Variants in ACSL4 observed in about 807,000 individuals in gnomAD.
ACSL4 encodes acyl-CoA synthetase long chain family member 4.
Under a neutral mutation model 49.1 loss-of-function variants are expected in ACSL4, and 9 were observed. The ratio of observed to expected loss-of-function variants is 0.18; its 90% CI spans 0.11 to 0.32. ACSL4 has a LOEUF of 0.32. Ranked by LOEUF, ACSL4 falls within the 10% of genes least tolerant of loss-of-function variation. The probability of loss-of-function intolerance (pLI) is 1.00; values close to 1 mark genes in which losing one functional copy is unlikely to be tolerated. For synonymous variants in ACSL4, 191 were observed against 170.3 expected (o/e 1.12, Z -0.95); for missense variants, 333 against 493.7 (o/e 0.67, Z 3.08).
Position 109,668,610 on chromosome X carries a change from C to T in ACSL4, c.1143-337G>A, listed in dbSNP as rs1922892445. 2.7e-5 allele frequency among the ~76,000 whole-genome samples: 3 copies of T among 111,743 alleles called. No individual in the cohort carries two copies. In the South Asian group the frequency reaches 1.1e-3, roughly 42 times the overall value. ...TCACTTCCAATAAAAAATGCTTCCC[C>T]ATCCCCACTCCTCAGCATCACATTT... is the stretch of plus-strand genomic sequence containing the variant. On this transcript the variant is annotated intron_variant, in intron 10 of 15. Coordinates refer to ENST00000672401, the MANE Select transcript of ACSL4 (RefSeq NM_001318510.2).
At chrX:109,647,161 C>T (rs953551535) in intron 15 of ACSL4, among the ~76,000 whole-genome samples, 1 of 111,135 alleles carries the variant, frequency 9.0e-6, no homozygotes, top group African/African-American at 3.3e-5. Context: ...CTCAGCTCTG[C>T]ACCAAGTGGA....
At chrX:109,672,606 CAG>C (rs1243646000) in intron 9 of ACSL4, among the ~76,000 whole-genome samples, 1 of 111,016 alleles carries the variant, frequency 9.0e-6, no homozygotes, top group Non-Finnish European at 1.9e-5. Context: ...ACTCAAAAAA[CAG>C]ACTCTACCAA....
Position 109,668,356 on chromosome X carries a change from T to C in ACSL4, c.1143-83A>G. Reference sequence around the variant, plus strand: ...ACTAATTTATAAGCTCTGGGAAAGATTCCTCAACTGGTTGAACATCTCAAT... The same window carrying C: ...ACTAATTTATAAGCTCTGGGAAAGACTCCTCAACTGGTTGAACATCTCAAT... On this transcript the variant is annotated intron_variant, in intron 10 of 15. Coordinates refer to ENST00000672401, the MANE Select transcript of ACSL4 (RefSeq NM_001318510.2). 1.3e-5 allele frequency: 11 copies of C among 864,879 alleles called. 1 individual carries two copies. In the Middle Eastern group the frequency reaches 9.1e-4, roughly 72 times the overall value. 71.3% of individuals were successfully genotyped at this position (864,879 alleles called of 1,213,427 possible). A position where few individuals can be genotyped will look rare whatever the true frequency, so the allele number is the denominator to read the frequency against.
At chrX:109,661,927 T>A (rs1261483737) in intron 13 of ACSL4, among the ~76,000 whole-genome samples, 1 of 111,124 alleles carries the variant, frequency 9.0e-6, no homozygotes, top group South Asian at 3.8e-4. Context: ...TAGCATCTTA[T>A]TATAATCTTA....
At chrX:109,661,195 G>C (rs1035832978) in intron 14 of ACSL4, among the ~76,000 whole-genome samples, 66 of 111,757 alleles carry the variant, frequency 5.9e-4, no homozygotes, top group African/African-American at 2.0e-3. Context: ...AGAAAAACTT[G>C]GGTTCAAAAT....
intron 9 of ACSL4, among the ~76,000 whole-genome samples, chrX:109,673,158 C>T (rs945607349): frequency 1.8e-5 from 2 of 111,979 alleles, no homozygotes; most frequent in Non-Finnish European, 3.8e-5. Flanking sequence ...TCAGCTCTTA[C>T]CTCTTCCTAT....
chrX:109,651,263 A>G (rs1323033821), intron 15 of ACSL4, among the ~76,000 whole-genome samples: 1 of 111,888 alleles, frequency 8.9e-6, no homozygotes, highest in African/African-American at 3.2e-5. Context: ...AGCAATTGCC[A>G]AGAAGCAAAC....
chrX:109,723,139 GTGT>G (rs946160170), intron 1 of ACSL4, among the ~76,000 whole-genome samples: 6 of 111,399 alleles, frequency 5.4e-5, no homozygotes, highest in Non-Finnish European at 7.5e-5. Context: ...TTACAGTAGA[GTGT>G]TGTTGTAGAA....
chrX:109,671,752 G>A (rs1483249819), intron 9 of ACSL4, among the ~76,000 whole-genome samples: 1 of 111,949 alleles, frequency 8.9e-6, no homozygotes, highest in Non-Finnish European at 1.9e-5. Flanking sequence ...TCTGCCTTGG[G>A]ATGCTGTTAG....
intron 8 of ACSL4, among the ~76,000 whole-genome samples, chrX:109,675,909 T>C (rs184504510): frequency 4.5e-5 from 5 of 112,345 alleles, no homozygotes; most frequent in Admixed American, 3.8e-4. Flanking sequence ...ATTACTATTC[T>C]AGCAGATTTT....
intron 1 of ACSL4, among the ~76,000 whole-genome samples, chrX:109,700,968 G>A (rs749745261): frequency 2.7e-5 from 3 of 110,078 alleles, no homozygotes; most frequent in African/African-American, 6.6e-5. Flanking sequence ...ACTTGAACCC[G>A]GGAGGCAGAG....
At position 109,678,403 on chromosome X, in the gene ACSL4, G is replaced by A. The variant is rs1923904571; in HGVS notation, c.668C>T (p.Pro223Leu). ...CATGTCTGAAGGCGTTGGTCTACTT[G>A]GAGGAATGCCCACTAAATGAATGAA... ...GSNPENLGIPPSRPTPSDMAI... is the reference protein window; with the variant it reads ...GSNPENLGIPLSRPTPSDMAI... Residue 223 changes from proline (P) to leucine (L), a missense_variant, in exon 7 of 16, where the codon CCA becomes CTA. Physicochemically the swap from Pro to Leu is moderately conservative, Grantham distance 98. Around this residue, in one of 3 missense-constraint regions of ACSL4, gnomAD observed 157 missense variants for 201.1 expected, o/e 0.78. Transcript: ENST00000672401. 1 of 1,210,039 alleles carries A rather than the reference G, an allele frequency of 8.3e-7. No homozygotes were observed. Among genetic ancestry groups the A allele is most frequent in the Non-Finnish European group, 1.1e-6 (1 of 894,952 alleles).
chrX:109,656,926 A>G (rs1921700224), intron 15 of ACSL4, among the ~76,000 whole-genome samples: 1 of 111,609 alleles, frequency 9.0e-6, no homozygotes, highest in African/African-American at 3.3e-5. Context: ...TCTTTCCTGA[A>G]ACTCTCTTAG....
At chrX:109,718,845 A>G (rs938404828) in intron 1 of ACSL4, among the ~76,000 whole-genome samples, 2 of 111,613 alleles carry the variant, frequency 1.8e-5, no homozygotes, top group African/African-American at 6.5e-5. Context: ...ATCTCAGATT[A>G]TTGGTTTTTA....
In ACSL4 at chrX:109,642,375, G is replaced by A. The variant is rs761979255; in HGVS notation, c.*1654C>T. 3 of 111,488 alleles carry A rather than the reference G, an allele frequency of 2.7e-5. No individual in the cohort carries two copies. Among genetic ancestry groups the A allele is most frequent in the African/African-American group, 9.8e-5 (3 of 30,623 alleles). The allele number at this position is 111,488 out of a possible 1,213,427, so 9.2% of individuals were successfully genotyped here. A position where few individuals can be genotyped will look rare whatever the true frequency, so the allele number is the denominator to read the frequency against. The stretch of plus-strand genomic sequence containing the variant: ...GAATACTCACATACACATAACTTCA[G>A]GGAAAACTTGCCTAAAATTTTACCT... On this transcript the variant is annotated 3_prime_UTR_variant, in exon 16 of 16. Transcript: ENST00000672401.
chrX:109,667,628 G>A (rs1413291702), intron 11 of ACSL4, among the ~76,000 whole-genome samples: 1 of 112,433 alleles, frequency 8.9e-6, no homozygotes, highest in Non-Finnish European at 1.9e-5. Flanking sequence ...GGGCGTGGTG[G>A]CTCACCGCCT....
intron 2 of ACSL4, among the ~76,000 whole-genome samples, chrX:109,688,549 T>G (rs1924790013): frequency 8.9e-6 from 1 of 111,754 alleles, no homozygotes; most frequent in Admixed American, 9.5e-5. Context: ...TATGGCTCTC[T>G]GTCTCCCAGT....
chrX:109,667,825 G>A (rs773506816), intron 11 of ACSL4, among the ~76,000 whole-genome samples: 25 of 110,161 alleles, frequency 2.3e-4, no homozygotes, highest in Non-Finnish European at 2.1e-4. Context: ...CCAGGAGGTG[G>A]AGGTTGCAGT....
intron 1 of ACSL4, among the ~76,000 whole-genome samples, chrX:109,700,997 C>T (rs1274954157): frequency 6.4e-5 from 7 of 109,202 alleles, no homozygotes; most frequent in African/African-American, 2.0e-4. Flanking sequence ...GAGCCGAGAT[C>T]GCACCACTGC....
Sources: gnomAD v4.1 joint callset for allele counts (sites outside exome capture counted in the v4.1 genomes callset) on GRCh38, gnomAD v4.1.1 for gene constraint, gnomAD v4.1.1 regional missense constraint, MANE v1.5 for transcripts, NCBI Gene and HGNC (gene_info 2026-07-23, HGNC 2026-07-21) for gene names.